Variants in RNU4ATAC observed in about 807,000 individuals in gnomAD.
RNU4ATAC encodes the protein RNA, U4atac small nuclear, also known as RNA, U4atac small nuclear (U12-dependent splicing).
At chr2:121,530,959 C>A (rs753681380) in exon 1 of RNU4ATAC, 5 of 700,298 alleles carry the variant, frequency 7.1e-6, no homozygotes, top group Non-Finnish European at 1.3e-5. Context: ...GAACAACACA[C>A]CCGCATCAAC....
exon 1 of RNU4ATAC, chr2:121,530,985 A>C (rs983574623): frequency 4.3e-6 from 3 of 700,352 alleles, no homozygotes; most frequent in African/African-American, 1.7e-5. Context: ...CTTTTGCTTT[A>C]TTTTGGTGCA....
chr2:121,530,912 C>T lies in RNU4ATAC; in HGVS notation n.32C>T, dbSNP rs566340581. The T allele has an allele frequency of 1.5e-4, 105 of 699,170 alleles. No homozygotes were observed. Among genetic ancestry groups the T allele is most frequent in the Middle Eastern group, 7.3e-4 (2 of 2,730 alleles). 43.3% of individuals were successfully genotyped at this position (699,170 alleles called of 1,614,324 possible). A position where few individuals can be genotyped will look rare whatever the true frequency, so the allele number is the denominator to read the frequency against. ...CTTTTCTTGGGGTTGCGCTACTGTC[C>T]AATGAGCGCATAGTGAGGGCAGTAC... is the stretch of plus-strand genomic sequence containing the variant. On this transcript the variant is annotated non_coding_transcript_exon_variant, in exon 1 of 1. Transcript: ENST00000580972.
chr2:121,530,907 C>A, exon 1 of RNU4ATAC: 2 of 697,654 alleles, frequency 2.9e-6, no homozygotes, highest in Non-Finnish European at 5.2e-6. Context: ...GGTTGCGCTA[C>A]TGTCCAATGA....
At chr2:121,531,009 TG>T (rs571745464), downstream of RNU4ATAC, 24 of 700,158 alleles carry the variant, frequency 3.4e-5, no homozygotes, top group Non-Finnish European at 5.2e-5. Flanking sequence ...TTTGGAAAAA[TG>T]AAAACCTGTT....
Position 121,530,978 on chromosome 2 carries a change from T to TC in RNU4ATAC, n.98_99insC, listed in dbSNP as rs755338710. ...AACACACCCGCATCAACTAGAGCTT[T>TC]TGCTTTATTTTGGTGCAATTTTTGG... On this transcript the variant is annotated non_coding_transcript_exon_variant, in exon 1 of 1. Transcript: ENST00000580972. The TC allele has an allele frequency of 3.7e-5, 26 of 700,322 alleles. 1 individual carries two copies. The highest frequency in any genetic ancestry group is 3.7e-4 in the South Asian group (25 of 67,514). The allele number at this position is 700,322 out of a possible 1,614,324, so 43.4% of individuals were successfully genotyped here. A position where few individuals can be genotyped will look rare whatever the true frequency, so the allele number is the denominator to read the frequency against.
At position 121,530,884 on chromosome 2, in the gene RNU4ATAC, A is replaced by C. The variant is rs533487249; in HGVS notation, n.4A>C. The C allele has an allele frequency of 1.4e-5, 10 of 692,676 alleles. No individual in the cohort carries two copies. Among genetic ancestry groups the C allele is most frequent in the Admixed American group, 4.0e-5 (2 of 49,634 alleles). The allele number at this position is 692,676 out of a possible 1,614,324, so 42.9% of individuals were successfully genotyped here. On this transcript the variant is annotated non_coding_transcript_exon_variant, in exon 1 of 1. Coordinates refer to ENST00000580972, the Ensembl canonical transcript of RNU4ATAC. Reference sequence around the variant, plus strand: ...AGCCCAGGGACTTTCTATTATAACCATCCTTTTCTTGGGGTTGCGCTACTG... The same window carrying C: ...AGCCCAGGGACTTTCTATTATAACCCTCCTTTTCTTGGGGTTGCGCTACTG...
rs780395960 is a variant in RNU4ATAC at position 121,531,007 on chromosome 2, A to G, written n.127A>G. 38 of 700,154 alleles carry G rather than the reference A, an allele frequency of 5.4e-5. No individual in the cohort carries two copies. Among genetic ancestry groups the G allele is most frequent in the South Asian group, 1.6e-4 (11 of 67,508 alleles). The allele number at this position is 700,154 out of a possible 1,614,324, so 43.4% of individuals were successfully genotyped here. On this transcript the variant is annotated non_coding_transcript_exon_variant, in exon 1 of 1. Transcript: ENST00000580972. ...TTTATTTTGGTGCAATTTTTGGAAA[A>G]ATGAAAACCTGTTTTCATAGACTTA...
Position 121,530,985 on chromosome 2 carries a change from A to G in RNU4ATAC, n.105A>G, listed in dbSNP as rs983574623. ...CCGCATCAACTAGAGCTTTTGCTTT[A>G]TTTTGGTGCAATTTTTGGAAAAATG... On this transcript the variant is annotated non_coding_transcript_exon_variant, in exon 1 of 1. Coordinates refer to ENST00000580972, the Ensembl canonical transcript of RNU4ATAC. 9 of 700,236 alleles carry G rather than the reference A, an allele frequency of 1.3e-5. No homozygotes were observed. The highest frequency in any genetic ancestry group is 7.0e-5 in the African/African-American group (4 of 57,180). The allele number at this position is 700,236 out of a possible 1,614,324, so 43.4% of individuals were successfully genotyped here. A position where few individuals can be genotyped will look rare whatever the true frequency, so the allele number is the denominator to read the frequency against.
In RNU4ATAC at chr2:121,530,901, G is replaced by C. The variant is rs879429057; in HGVS notation, n.21G>C. On this transcript the variant is annotated non_coding_transcript_exon_variant, in exon 1 of 1. Transcript: ENST00000580972. ...TTATAACCATCCTTTTCTTGGGGTT[G>C]CGCTACTGTCCAATGAGCGCATAGT... 1.4e-6 allele frequency: 1 copy of C among 695,712 alleles called. No individual in the cohort carries two copies. The highest frequency in any genetic ancestry group is 2.7e-5 in the East Asian group (1 of 37,134). 43.1% of individuals were successfully genotyped at this position (695,712 alleles called of 1,614,324 possible). A position where few individuals can be genotyped will look rare whatever the true frequency, so the allele number is the denominator to read the frequency against.
In RNU4ATAC at chr2:121,530,903, G is replaced by C. The variant is rs754423211; in HGVS notation, n.23G>C. ...ATAACCATCCTTTTCTTGGGGTTGC[G>C]CTACTGTCCAATGAGCGCATAGTGA... is the stretch of plus-strand genomic sequence containing the variant. On this transcript the variant is annotated non_coding_transcript_exon_variant, in exon 1 of 1. Coordinates refer to ENST00000580972, the Ensembl canonical transcript of RNU4ATAC. 2.0e-5 allele frequency: 14 copies of C among 695,272 alleles called. No individual in the cohort carries two copies. Among genetic ancestry groups the C allele is most frequent in the African/African-American group, 3.5e-5 (2 of 57,066 alleles). The allele number at this position is 695,272 out of a possible 1,614,324, so 43.1% of individuals were successfully genotyped here.
chr2:121,530,968 A>C lies in RNU4ATAC; in HGVS notation n.88A>C, dbSNP rs573109856. The C allele has an allele frequency of 4.1e-5, 29 of 700,282 alleles. No individual in the cohort carries two copies. Among genetic ancestry groups the C allele is most frequent in the African/African-American group, 1.6e-4 (9 of 57,166 alleles). The allele number at this position is 700,282 out of a possible 1,614,324, so 43.4% of individuals were successfully genotyped here. ...ACGCCTGAACAACACACCCGCATCAACTAGAGCTTTTGCTTTATTTTGGTG... is the reference window on the plus strand; with the variant it reads ...ACGCCTGAACAACACACCCGCATCACCTAGAGCTTTTGCTTTATTTTGGTG... On this transcript the variant is annotated non_coding_transcript_exon_variant, in exon 1 of 1. Coordinates refer to ENST00000580972, the Ensembl canonical transcript of RNU4ATAC.
exon 1 of RNU4ATAC, chr2:121,530,945 G>T: frequency 1.4e-6 from 1 of 700,388 alleles, no homozygotes; most frequent in Non-Finnish European, 2.6e-6. Flanking sequence ...TACTGCTAAC[G>T]CCTGAACAAC....
Position 121,530,934 on chromosome 2 carries a change from G to A in RNU4ATAC, n.54G>A, listed in dbSNP as rs575472572. The A allele has an allele frequency of 8.9e-5, 62 of 700,406 alleles. No homozygotes were observed. Among genetic ancestry groups the A allele is most frequent in the Middle Eastern group, 3.7e-4 (1 of 2,738 alleles). 43.4% of individuals were successfully genotyped at this position (700,406 alleles called of 1,614,324 possible). A position where few individuals can be genotyped will look rare whatever the true frequency, so the allele number is the denominator to read the frequency against. ...GTCCAATGAGCGCATAGTGAGGGCA[G>A]TACTGCTAACGCCTGAACAACACAC... On this transcript the variant is annotated non_coding_transcript_exon_variant, in exon 1 of 1. Coordinates refer to ENST00000580972, the Ensembl canonical transcript of RNU4ATAC.
rs377619732 is a variant in RNU4ATAC at position 121,530,945 on chromosome 2, G to A, written n.65G>A. 3.0e-4 allele frequency: 211 copies of A among 700,388 alleles called. No individual in the cohort carries two copies. The highest frequency in any genetic ancestry group is 6.8e-4 in the African/African-American group (39 of 57,284). The allele number at this position is 700,388 out of a possible 1,614,324, so 43.4% of individuals were successfully genotyped here. A position where few individuals can be genotyped will look rare whatever the true frequency, so the allele number is the denominator to read the frequency against. ...GCATAGTGAGGGCAGTACTGCTAAC[G>A]CCTGAACAACACACCCGCATCAACT... On this transcript the variant is annotated non_coding_transcript_exon_variant, in exon 1 of 1. Coordinates refer to ENST00000580972, the Ensembl canonical transcript of RNU4ATAC.
exon 1 of RNU4ATAC, chr2:121,530,899 T>TA (rs2094786109): frequency 1.4e-6 from 1 of 695,334 alleles, no homozygotes; most frequent in Non-Finnish European, 2.6e-6. Flanking sequence ...TTTCTTGGGG[T>TA]TGCGCTACTG....
At position 121,530,914 on chromosome 2, in the gene RNU4ATAC, A is replaced by C. The variant is rs771577373; in HGVS notation, n.34A>C. 1.4e-5 allele frequency: 10 copies of C among 699,220 alleles called. No individual in the cohort carries two copies. Among genetic ancestry groups the C allele is most frequent in the East Asian group, 2.7e-5 (1 of 37,266 alleles). 43.3% of individuals were successfully genotyped at this position (699,220 alleles called of 1,614,324 possible). ...TTTCTTGGGGTTGCGCTACTGTCCA[A>C]TGAGCGCATAGTGAGGGCAGTACTG... On this transcript the variant is annotated non_coding_transcript_exon_variant, in exon 1 of 1. Transcript: ENST00000580972.
Position 121,530,932 on chromosome 2 carries a change from C to T in RNU4ATAC, n.52C>T, listed in dbSNP as rs180755563. 1.2e-4 allele frequency: 85 copies of T among 700,266 alleles called. No individual in the cohort carries two copies. Among genetic ancestry groups the T allele is most frequent in the Admixed American group, 4.8e-4 (24 of 49,992 alleles). 43.4% of individuals were successfully genotyped at this position (700,266 alleles called of 1,614,324 possible). The stretch of plus-strand genomic sequence containing the variant: ...CTGTCCAATGAGCGCATAGTGAGGG[C>T]AGTACTGCTAACGCCTGAACAACAC... On this transcript the variant is annotated non_coding_transcript_exon_variant, in exon 1 of 1. Coordinates refer to ENST00000580972, the Ensembl canonical transcript of RNU4ATAC.
At chr2:121,531,008 A>C (rs893429850), downstream of RNU4ATAC, 4 of 700,114 alleles carry the variant, frequency 5.7e-6, no homozygotes, top group Non-Finnish European at 1.0e-5. Flanking sequence ...TTTTGGAAAA[A>C]TGAAAACCTG....
rs571331160 is a variant in RNU4ATAC, at chr2:121,530,985, AT to A, written n.109del. On this transcript the variant is annotated non_coding_transcript_exon_variant, in exon 1 of 1. Coordinates refer to ENST00000580972, the Ensembl canonical transcript of RNU4ATAC. ...CCGCATCAACTAGAGCTTTTGCTTTATTTTGGTGCAATTTTTGGAAAAATGA... is the reference window on the plus strand; with the variant it reads ...CCGCATCAACTAGAGCTTTTGCTTTATTTGGTGCAATTTTTGGAAAAATGA... The A allele has an allele frequency of 2.3e-4, 160 of 700,354 alleles. 3 individuals carry two copies. The highest frequency in any genetic ancestry group is 2.3e-3 in the South Asian group (154 of 67,502). The allele number at this position is 700,354 out of a possible 1,614,324, so 43.4% of individuals were successfully genotyped here.
Sources: allele counts gnomAD v4.1 joint callset, GRCh38; gene constraint gnomAD v4.1.1; transcripts MANE v1.5; gene names NCBI Gene and HGNC (gene_info 2026-07-23, HGNC 2026-07-21).